COL25A1: variants seen among roughly 807,000 people sequenced by gnomAD.
COL25A1 encodes the protein collagen type XXV alpha 1 chain.
A neutral mutation model predicts 128.4 loss-of-function variants in COL25A1; 103 were observed. That is an observed-to-expected ratio of 0.80 (90% CI 0.68 to 0.94). The LOEUF (loss-of-function observed/expected upper bound fraction) is 0.94, where lower values mean the gene tolerates loss of function less well. Among genes scored for constraint, COL25A1 ranks in the 40% least tolerant of loss-of-function variants. The probability of loss-of-function intolerance (pLI) is 0.00; values close to 1 mark genes in which losing one functional copy is unlikely to be tolerated. For synonymous variants in COL25A1, 279 were observed against 277.2 expected (o/e 1.01, Z -0.06); for missense variants, 745 against 840.0 (o/e 0.89, Z 1.40).
At chr4:109,009,246 T>G (rs540422645) in intron 6 of COL25A1, among the ~76,000 whole-genome samples, 5 of 152,356 alleles carry the variant, frequency 3.3e-5, no homozygotes, top group Admixed American at 2.0e-4. Flanking sequence ...CTTTCTTCCG[T>G]GGGTTTTATT....
At chr4:109,113,511 T>C (rs1331575348) in intron 3 of COL25A1, among the ~76,000 whole-genome samples, 1 of 152,170 alleles carries the variant, frequency 6.6e-6, no homozygotes, top group Non-Finnish European at 1.5e-5. Flanking sequence ...CATTTTGATA[T>C]TTTTATCTCA....
At chr4:109,059,568 C>T (rs868490019) in intron 3 of COL25A1, among the ~76,000 whole-genome samples, 10 of 152,150 alleles carry the variant, frequency 6.6e-5, no homozygotes, top group Non-Finnish European at 1.5e-5. Flanking sequence ...TAAGAAATCA[C>T]TGGCCAACAG....
At chr4:109,264,072 T>C (rs1277024211) in intron 3 of COL25A1, among the ~76,000 whole-genome samples, 4 of 152,218 alleles carry the variant, frequency 2.6e-5, no homozygotes, top group African/African-American at 2.4e-5. Context: ...CAAAATTCTA[T>C]GAAATTCGGA....
intron 3 of COL25A1, among the ~76,000 whole-genome samples, chr4:109,107,703 G>A (rs1766576080): frequency 6.6e-6 from 1 of 152,264 alleles, no homozygotes; most frequent in Admixed American, 6.5e-5. Flanking sequence ...ACAGCATCTA[G>A]AATATTACCG....
intron 13 of COL25A1, among the ~76,000 whole-genome samples, chr4:108,903,916 G>C (rs1303094340): frequency 6.6e-6 from 1 of 151,902 alleles, no homozygotes; most frequent in African/African-American, 2.4e-5. Flanking sequence ...TTTTCTGATG[G>C]GTTCATAATT....
intron 19 of COL25A1, among the ~76,000 whole-genome samples, chr4:108,869,869 A>ATTTC (rs1304596670): frequency 1.3e-5 from 2 of 152,028 alleles, no homozygotes; most frequent in African/African-American, 4.8e-5. Flanking sequence ...AATATATTTG[A>ATTTC]TTTCTTTCTA....
At chr4:108,889,095 A>G (rs1741154520) in intron 18 of COL25A1, 126 bp downstream of exon 18, 3 of 892,304 alleles carry the variant, frequency 3.4e-6, no homozygotes, top group Non-Finnish European at 5.3e-6. Flanking sequence ...CAACAATAAC[A>G]CTCTGTAATG....
At chr4:108,935,865 T>C (rs1046719532) in intron 11 of COL25A1, among the ~76,000 whole-genome samples, 1 of 152,168 alleles carries the variant, frequency 6.6e-6, no homozygotes, top group African/African-American at 2.4e-5. Context: ...TTTTAAAAAA[T>C]ATATCCATTT....
At position 108,827,024 on chromosome 4, in the gene COL25A1, G is replaced by A. The variant is rs1441940724; in HGVS notation, c.1764+111C>T. The stretch of plus-strand genomic sequence containing the variant: ...TGAATTTATAGATAATGAGTGGATT[G>A]TTGTTTCTTCTCTAACATTAGTCTG... On this transcript the variant is annotated intron_variant, in intron 33 of 37. Coordinates refer to ENST00000399132, the MANE Select transcript of COL25A1 (RefSeq NM_198721.4). The A allele has an allele frequency of 1.2e-5, 11 of 890,098 alleles. No homozygotes were observed. In the Middle Eastern group the frequency reaches 8.6e-4, roughly 70 times the overall value. 55.1% of individuals were successfully genotyped at this position (890,098 alleles called of 1,614,324 possible). A position where few individuals can be genotyped will look rare whatever the true frequency, so the allele number is the denominator to read the frequency against.
chr4:109,263,640 C>T (rs1781588146), intron 3 of COL25A1, among the ~76,000 whole-genome samples: 1 of 152,200 alleles, frequency 6.6e-6, no homozygotes, highest in Admixed American at 6.5e-5. Flanking sequence ...AATTGAAGGA[C>T]AGAACAATAA....
chr4:109,280,121 A>G (rs894652246), intron 3 of COL25A1, among the ~76,000 whole-genome samples: 2 of 152,232 alleles, frequency 1.3e-5, no homozygotes, highest in Non-Finnish European at 2.9e-5. Context: ...AATGTTAAAC[A>G]CTTCGCAGGA....
chr4:109,072,365 A>C (rs977563396), intron 3 of COL25A1, among the ~76,000 whole-genome samples: 1 of 152,120 alleles, frequency 6.6e-6, no homozygotes, highest in Non-Finnish European at 1.5e-5. Flanking sequence ...TAATAGTTAC[A>C]TTTCCTCTTT....
chr4:109,286,661 A>C (rs1054672498), intron 3 of COL25A1, among the ~76,000 whole-genome samples: 4 of 152,186 alleles, frequency 2.6e-5, no homozygotes, highest in African/African-American at 9.6e-5. Context: ...ACTGGCATCT[A>C]GTGGATAGAA....
rs960016417 is a variant in COL25A1 at position 108,863,381 on chromosome 4, G to A, written c.1090C>T (p.Arg364Trp). The A allele has an allele frequency of 9.3e-6, 15 of 1,613,224 alleles. No individual in the cohort carries two copies. The highest frequency in any genetic ancestry group is 1.7e-5 in the Admixed American group (1 of 59,898). ...LPGLPGTKGE[R>W]GEAGPPGRGE... ...CTTCCAGGAGGCCCTGCTTCCCCCC[G>A]TTCACCCTGTCACAAATTGCAAAAC... Residue 364 changes from arginine (R) to tryptophan (W), a missense_variant, in exon 21 of 38, where the codon CGG becomes TGG. By Grantham distance (101) the Arg-to-Trp change is moderately radical. Around this residue, in one of 3 missense-constraint regions of COL25A1, gnomAD observed 387 missense variants for 441.9 expected, o/e 0.88. Transcript: ENST00000399132.
intron 5 of COL25A1, among the ~76,000 whole-genome samples, chr4:109,012,516 G>A (rs1756711617): frequency 1.3e-5 from 2 of 152,164 alleles, no homozygotes; most frequent in Admixed American, 1.3e-4. Flanking sequence ...CAGCGCTCGT[G>A]GGCCAGCGCG....
chr4:109,171,318 A>C (rs893356240), intron 3 of COL25A1, among the ~76,000 whole-genome samples: 1 of 152,144 alleles, frequency 6.6e-6, no homozygotes, highest in Non-Finnish European at 1.5e-5. Flanking sequence ...TCACCTCCCC[A>C]TATTTCCAAA....
intron 30 of COL25A1, among the ~76,000 whole-genome samples, chr4:108,843,411 G>T (rs2125754684): frequency 6.6e-6 from 1 of 152,256 alleles, no homozygotes; most frequent in East Asian, 1.9e-4. Flanking sequence ...AGAGACACAT[G>T]TGACCTTCTA....
chr4:108,871,084 G>C (rs77416882), intron 19 of COL25A1, among the ~76,000 whole-genome samples: 1 of 152,112 alleles, frequency 6.6e-6, no homozygotes, highest in Non-Finnish European at 1.5e-5. Flanking sequence ...AATAAATAGG[G>C]CTTTGCGATC....
rs114886814 is a variant in COL25A1 at position 108,884,488 on chromosome 4, G to C, written c.976-266C>G. ...ATCTCCGTCAGATGGCGAGAAAGAG[G>C]AGTCAAAAGAGAAGAAACTCCCATA... On this transcript the variant is annotated intron_variant, in intron 18 of 37. Coordinates refer to ENST00000399132, the MANE Select transcript of COL25A1 (RefSeq NM_198721.4). Among the ~76,000 whole-genome samples, 1,092 of 152,238 alleles carry C rather than the reference G, an allele frequency of 7.2e-3. 7 individuals carry two copies. Among genetic ancestry groups the C allele is most frequent in the African/African-American group, 0.025 (1,032 of 41,540 alleles).
Sources: gnomAD v4.1 joint callset for allele counts (sites outside exome capture counted in the v4.1 genomes callset) on GRCh38, gnomAD v4.1.1 for gene constraint, gnomAD v4.1.1 regional missense constraint, MANE v1.5 for transcripts, NCBI Gene and HGNC (gene_info 2026-07-23, HGNC 2026-07-21) for gene names.